Variants in TRPM8 observed in about 807,000 individuals in gnomAD.
TRPM8 encodes the protein TRPM8 cationic channel.
Under a neutral mutation model 133.7 loss-of-function variants are expected in TRPM8, and 110 were observed. The ratio of observed to expected loss-of-function variants is 0.82; its 90% confidence interval spans 0.70 to 0.96. The LOEUF (loss-of-function observed/expected upper bound fraction) is 0.96, where lower values mean the gene tolerates loss of function less well. TRPM8 is among the 40% of genes least tolerant of loss of function. The probability of loss-of-function intolerance (pLI) is 0.00; values close to 1 mark genes in which losing one functional copy is unlikely to be tolerated. For synonymous variants in TRPM8, 535 were observed against 532.3 expected (o/e 1.01, Z -0.07); for missense variants, 1,291 against 1,379.5 (o/e 0.94, Z 1.02).
intron 1 of TRPM8, among the ~76,000 whole-genome samples, chr2:233,922,556 C>T (rs1184084276): frequency 2.0e-5 from 3 of 152,192 alleles, no homozygotes; most frequent in African/African-American, 4.8e-5. Flanking sequence ...ACCTCTACCA[C>T]GTCATCTCTA....
chr2:233,988,053 G>T lies in TRPM8; in HGVS notation c.2939+2188G>T, dbSNP rs757561997. On this transcript the variant is annotated intron_variant, in intron 21 of 25. Transcript: ENST00000324695. The stretch of plus-strand genomic sequence containing the variant: ...GTGAAAATGGACTAACACAGTCATT[G>T]TTCTGCTTAAAATTCTGGAAGGATT... Among the ~76,000 whole-genome samples the T allele has an allele frequency of 6.0e-5, 9 of 149,894 alleles. No individual in the cohort carries two copies. The South Asian group carries it at 6.3e-4, about 10-fold the overall frequency.
chr2:234,014,627 T>TA lies in TRPM8; in HGVS notation c.*17dup. ...AAATCAAATAAAACTGTATGAACTC[T>TA]AATGGAGAAAAATCTAATTATAGCA... On this transcript the variant is annotated 3_prime_UTR_variant, in exon 25 of 26. Transcript: ENST00000324695. 1 of 1,453,024 alleles carries TA rather than the reference T, an allele frequency of 6.9e-7. No individual in the cohort carries two copies. Among genetic ancestry groups the TA allele is most frequent in the Non-Finnish European group, 9.3e-7 (1 of 1,072,736 alleles). 90.0% of individuals were successfully genotyped at this position (1,453,024 alleles called of 1,614,324 possible). A position where few individuals can be genotyped will look rare whatever the true frequency, so the allele number is the denominator to read the frequency against.
In TRPM8 at chr2:233,966,693, A is replaced by C; in HGVS notation, c.1963A>C (p.Asn655His). Residue 655 changes from asparagine to histidine, a missense_variant, in exon 15 of 26, where the codon AAC becomes CAC. Asn to His is a moderately conservative substitution (Grantham distance 68). Transcript: ENST00000324695. ...TTCCTGTGAAGCTTGGGGTGGAAGC[A>C]ACTGTCTGGAGCTGGCGGTGGAGGC... ...VYSCEAWGGS[N>H]CLELAVEATD... The C allele has an allele frequency of 6.2e-7, 1 of 1,613,694 alleles. No individual in the cohort carries two copies. Among genetic ancestry groups the C allele is most frequent in the Non-Finnish European group, 8.5e-7 (1 of 1,179,790 alleles).
chr2:234,000,265 C>T (rs6718140), intron 22 of TRPM8, among the ~76,000 whole-genome samples: 46,110 of 151,560 alleles, frequency 0.3, 7,412 homozygotes, highest in East Asian at 0.49. Flanking sequence ...CACCCGCCAC[C>T]ACACCTGGCT....
intron 21 of TRPM8, among the ~76,000 whole-genome samples, chr2:233,991,826 T>G (rs753269071): frequency 5.9e-4 from 90 of 152,232 alleles, no homozygotes; most frequent in Non-Finnish European, 1.1e-3. Context: ...CTGGCATTTC[T>G]TGTATATTTA....
chr2:234,000,680 C>T (rs1224769076), intron 22 of TRPM8, among the ~76,000 whole-genome samples: 2 of 71,962 alleles, frequency 2.8e-5, no homozygotes, highest in African/African-American at 1.5e-4. Context: ...AAAGAAACAA[C>T]CTTTTTTTTT....
At chr2:233,943,053 G>T in intron 6 of TRPM8, 3 of 339,346 alleles carry the variant, frequency 8.8e-6, no homozygotes, top group East Asian at 6.0e-5. Flanking sequence ...CGGGCTCAAA[G>T]CCAACTGCAG....
At chr2:233,934,546 A>C (rs10189040) in intron 3 of TRPM8, among the ~76,000 whole-genome samples, 1 of 152,058 alleles carries the variant, frequency 6.6e-6, no homozygotes, top group Non-Finnish European at 1.5e-5. Flanking sequence ...ACGTCAATGC[A>C]CCATCTCTAG....
intron 17 of TRPM8, among the ~76,000 whole-genome samples, chr2:233,978,297 T>TACTCTAAAG (rs1168278337): frequency 6.6e-6 from 1 of 151,870 alleles, no homozygotes; most frequent in Admixed American, 6.6e-5. Context: ...TCTCAACCTT[T>TACTCTAAAG]ACTCTAAAGA....
chr2:233,985,589 A>G (rs1692124648), intron 20 of TRPM8, 99 bp from the exon 21 acceptor site: 2 of 1,203,734 alleles, frequency 1.7e-6, no homozygotes, highest in Admixed American at 1.9e-5. Flanking sequence ...GGCCTAAGAC[A>G]TTTCATGACC....
At chr2:234,012,814 T>C (rs1410197186) in intron 24 of TRPM8, among the ~76,000 whole-genome samples, 1 of 152,108 alleles carries the variant, frequency 6.6e-6, no homozygotes, top group Non-Finnish European at 1.5e-5. Flanking sequence ...GTCTTTTTTT[T>C]TCTTTTATCA....
chr2:233,964,843 T>A, intron 14 of TRPM8, 86 bp downstream of exon 14: 1 of 1,394,688 alleles, frequency 7.2e-7, no homozygotes, highest in Non-Finnish European at 9.6e-7. Context: ...GACCAGATGG[T>A]GGAGGTCCGT....
intron 23 of TRPM8, among the ~76,000 whole-genome samples, chr2:234,007,372 T>C (rs968826655): frequency 3.9e-5 from 6 of 152,172 alleles, no homozygotes; most frequent in Non-Finnish European, 5.9e-5. Context: ...TATTAGAAGA[T>C]AGAAAAACCA....
chr2:234,014,077 C>T (rs901226768), intron 24 of TRPM8, among the ~76,000 whole-genome samples: 10 of 152,100 alleles, frequency 6.6e-5, no homozygotes, highest in Non-Finnish European at 1.5e-4. Context: ...TTTCATTATG[C>T]CTCTTACTTA....
intron 3 of TRPM8, among the ~76,000 whole-genome samples, chr2:233,931,689 C>T (rs992662978): frequency 2.6e-5 from 4 of 152,200 alleles, no homozygotes; most frequent in African/African-American, 9.6e-5. Context: ...CATAATGCTT[C>T]AGAGCATAAT....
intron 24 of TRPM8, among the ~76,000 whole-genome samples, chr2:234,009,621 G>T (rs537833484): frequency 6.6e-6 from 1 of 152,158 alleles, no homozygotes; most frequent in South Asian, 2.1e-4. Context: ...CATCACTCAG[G>T]AGGTCCCACC....
intron 15 of TRPM8, among the ~76,000 whole-genome samples, chr2:233,969,185 A>G (rs973091072): frequency 1.3e-5 from 2 of 152,182 alleles, no homozygotes; most frequent in Non-Finnish European, 2.9e-5. Context: ...GACTTAAAAT[A>G]AAACCAAGTT....
chr2:233,990,985 G>A (rs1003971701), intron 21 of TRPM8, among the ~76,000 whole-genome samples: 1 of 152,166 alleles, frequency 6.6e-6, no homozygotes, highest in African/African-American at 2.4e-5. Flanking sequence ...GTTATTAATT[G>A]TGAGATTGTT....
chr2:234,011,583 C>T (rs945127651), intron 24 of TRPM8, among the ~76,000 whole-genome samples: 14 of 152,168 alleles, frequency 9.2e-5, no homozygotes, highest in African/African-American at 3.1e-4. Context: ...TTCATTTTTT[C>T]AATCCATGAA....
Sources: allele counts gnomAD v4.1 joint callset (sites outside exome capture counted in the v4.1 genomes callset), GRCh38; gene constraint gnomAD v4.1.1; transcripts MANE v1.5; gene names NCBI Gene and HGNC (gene_info 2026-07-23, HGNC 2026-07-21).